The following EYA3 variants were observed in gnomAD, a reference collection of about 807,000 sequenced individuals.
The protein encoded by EYA3 is protein phosphatase EYA3.
Under a neutral mutation model 80.0 loss-of-function variants are expected in EYA3, and 39 were observed. That is an observed-to-expected ratio of 0.49 (90% CI 0.38 to 0.64). EYA3 has a LOEUF of 0.64. Ranked by LOEUF, EYA3 falls within the 30% of genes least tolerant of loss-of-function variation. The probability of loss-of-function intolerance (pLI) is 0.00; values close to 1 mark genes in which losing one functional copy is unlikely to be tolerated. For synonymous variants in EYA3, 206 were observed against 232.8 expected, an observed-to-expected ratio of 0.88 and a Z score of 1.05; for missense variants, 523 against 676.1, an observed-to-expected ratio of 0.77 and a Z score of 2.51.
chr1:27,989,947 TAC>T (rs949601100), intron 14 of EYA3, 136 bp from the exon 15 acceptor site: 7 of 400,886 alleles, frequency 1.7e-5, no homozygotes, highest in African/African-American at 1.1e-4. Flanking sequence ...TATATATATA[TAC>T]ATATACGTAT....
intron 8 of EYA3, among the ~76,000 whole-genome samples, chr1:28,014,942 A>T (rs2148798560): frequency 6.6e-6 from 1 of 152,300 alleles, no homozygotes; most frequent in East Asian, 1.9e-4. Flanking sequence ...AAGTAGGAAA[A>T]AGCTAACTGA....
intron 5 of EYA3, among the ~76,000 whole-genome samples, chr1:28,037,361 G>A (rs1465517114): frequency 1.3e-5 from 2 of 152,142 alleles, no homozygotes; most frequent in East Asian, 3.8e-4. Flanking sequence ...AATGAATTTG[G>A]AATCTGCAAC....
intron 8 of EYA3, among the ~76,000 whole-genome samples, chr1:28,014,368 ATGAACCAAGACTGCACCAC>A (rs997038183): frequency 2.1e-5 from 3 of 145,608 alleles, no homozygotes; most frequent in Non-Finnish European, 4.5e-5. Flanking sequence ...AAAGGTTGCA[ATGAACCAAGACTGCACCAC>A]TGCACTCTAG....
intron 1 of EYA3, among the ~76,000 whole-genome samples, chr1:28,084,061 T>A (rs1645526547): frequency 6.6e-6 from 1 of 152,242 alleles, no homozygotes; most frequent in Non-Finnish European, 1.5e-5. Flanking sequence ...CTTCACGATA[T>A]TAAGCACTGA....
chr1:28,059,981 A>AGTGCTGG (rs1644565173), intron 1 of EYA3, among the ~76,000 whole-genome samples: 1 of 152,096 alleles, frequency 6.6e-6, no homozygotes, highest in Non-Finnish European at 1.5e-5. Flanking sequence ...AGCCTCCCAA[A>AGTGCTGG]GTGCTGGGAT....
chr1:28,028,461 T>C (rs1250452612), intron 6 of EYA3, among the ~76,000 whole-genome samples: 1 of 152,084 alleles, frequency 6.6e-6, no homozygotes, highest in Non-Finnish European at 1.5e-5. Context: ...TTTTTATAAA[T>C]TAAAAACATT....
At chr1:28,017,055 T>C in intron 8 of EYA3, 99 bp downstream of exon 8, 2 of 1,017,228 alleles carry the variant, frequency 2.0e-6, no homozygotes, top group South Asian at 1.4e-5. Context: ...GCCCATACTA[T>C]TCCTGGTTGT....
chr1:28,048,347 G>A, intron 3 of EYA3, 36 bp downstream of exon 3: 2 of 1,488,296 alleles, frequency 1.3e-6, no homozygotes. Flanking sequence ...CAAAACTTAT[G>A]AGTAGTTCAT....
intron 8 of EYA3, among the ~76,000 whole-genome samples, chr1:28,015,594 T>C (rs952015961): frequency 2.0e-5 from 3 of 151,372 alleles, no homozygotes; most frequent in African/African-American, 7.3e-5. Context: ...TGACAAAAAG[T>C]GGGATTTAGA....
At chr1:27,990,237 TG>T in intron 14 of EYA3, 1 of 180,602 alleles carries the variant, frequency 5.5e-6, no homozygotes. Context: ...CACTTGGTGG[TG>T]GAGGCACAGG....
At chr1:27,994,087 C>A (rs960264830) in intron 13 of EYA3, among the ~76,000 whole-genome samples, 1 of 152,142 alleles carries the variant, frequency 6.6e-6, no homozygotes, top group Non-Finnish European at 1.5e-5. Flanking sequence ...CTTTGATATT[C>A]CTCTCTTCTA....
At chr1:27,994,124 T>C (rs991847154) in intron 13 of EYA3, among the ~76,000 whole-genome samples, 3 of 152,234 alleles carry the variant, frequency 2.0e-5, no homozygotes, top group Admixed American at 6.5e-5. Context: ...GTATGGACTA[T>C]ACTTAAAATA....
intron 3 of EYA3, 122 bp from the exon 4 acceptor site, chr1:28,042,772 T>C: frequency 1.4e-6 from 1 of 723,440 alleles, no homozygotes; most frequent in South Asian, 1.6e-5. Flanking sequence ...ATCTTCGTGA[T>C]ATCCTTATTG....
intron 2 of EYA3, among the ~76,000 whole-genome samples, chr1:28,052,871 G>A (rs1248677873): frequency 6.6e-6 from 1 of 152,122 alleles, no homozygotes; most frequent in Non-Finnish European, 1.5e-5. Context: ...AACCCGGGAG[G>A]TGGAGGTTGC....
intron 4 of EYA3, among the ~76,000 whole-genome samples, chr1:28,039,993 A>G (rs1026140555): frequency 6.6e-6 from 1 of 152,170 alleles, no homozygotes; most frequent in African/African-American, 2.4e-5. Context: ...TCTTCCTCCA[A>G]TTTAATTTAA....
chr1:28,020,980 C>T (rs2815708), intron 7 of EYA3, among the ~76,000 whole-genome samples: 52,847 of 151,928 alleles, frequency 0.35, 9,449 homozygotes, highest in East Asian at 0.5. Context: ...CCGCTTAAAA[C>T]AGACAATATA....
chr1:28,012,076 TATGTTA>T (rs1286422334), intron 9 of EYA3, among the ~76,000 whole-genome samples: 1 of 152,176 alleles, frequency 6.6e-6, no homozygotes, highest in Non-Finnish European at 1.5e-5. Context: ...CCATTGTGGT[TATGTTA>T]ATAAGTACCA....
intron 17 of EYA3, among the ~76,000 whole-genome samples, chr1:27,976,475 C>CA (rs906402618): frequency 1.4e-4 from 21 of 151,036 alleles, no homozygotes; most frequent in African/African-American, 4.6e-4. Flanking sequence ...CAAAACAAAA[C>CA]AAAAAAAAGA....
Position 28,009,682 on chromosome 1 carries a change from T to C in EYA3, c.909+1265A>G, listed in dbSNP as rs916565467. Among the ~76,000 whole-genome samples, 1 of 129,222 alleles carries C rather than the reference T, an allele frequency of 7.7e-6. No individual in the cohort carries two copies. Among genetic ancestry groups the C allele is most frequent in the Non-Finnish European group, 1.8e-5 (1 of 56,448 alleles). The allele number at this position is 129,222 out of a possible 152,430, so 84.8% of individuals were successfully genotyped here. A position where few individuals can be genotyped will look rare whatever the true frequency, so the allele number is the denominator to read the frequency against. On this transcript the variant is annotated intron_variant, in intron 10 of 17. Transcript: ENST00000373871. This position sits in a 1 kb window ranked among gnomAD's most constrained non-coding sequence, Gnocchi z 4.8. The stretch of plus-strand genomic sequence containing the variant: ...CAACAACAACAAAAAACCATTATGG[T>C]AAATGAAATAAGTCTGGCACAAAAG...
Sources: gnomAD v4.1 joint callset for allele counts (sites outside exome capture counted in the v4.1 genomes callset) on GRCh38, gnomAD v4.1.1 for gene constraint, Gnocchi (gnomAD v3.1) non-coding constraint, MANE v1.5 for transcripts, NCBI Gene and HGNC (gene_info 2026-07-23, HGNC 2026-07-21) for gene names.